SBF2: variants seen among roughly 807,000 people sequenced by gnomAD.
The protein encoded by SBF2 is myotubularin-related protein 13.
Under a neutral mutation model 225.2 loss-of-function variants are expected in SBF2, and 112 were observed. The observed-to-expected ratio is 0.50, with a 90% confidence interval of 0.43 to 0.58. The LOEUF (loss-of-function observed/expected upper bound fraction) is 0.58, where lower values mean the gene tolerates loss of function less well. Among genes scored for constraint, SBF2 ranks in the 20% least tolerant of loss-of-function variants. SBF2 has a pLI of 0.00. For missense variants in SBF2, 1,996 were observed against 2,206.2 expected, an observed-to-expected ratio of 0.90 and a Z score of 1.91; for synonymous variants, 763 against 773.3, an observed-to-expected ratio of 0.99 and a Z score of 0.22.
At chr11:9,968,586 TA>T in intron 13 of SBF2, 41 bp from the exon 14 acceptor site, 2 of 1,511,514 alleles carry the variant, frequency 1.3e-6, no homozygotes, top group Non-Finnish European at 1.8e-6. Context: ...CAAGTTAAAA[TA>T]ACAATGGCAG....
chr11:9,803,154 A>T (rs1046614953), intron 32 of SBF2, among the ~76,000 whole-genome samples: 3 of 152,230 alleles, frequency 2.0e-5, no homozygotes, highest in Admixed American at 6.5e-5. Flanking sequence ...ATTAAAAGTT[A>T]ACTTCTGTTT....
chr11:10,196,865 TA>T (rs1273383272), intron 1 of SBF2, among the ~76,000 whole-genome samples: 843 of 22,388 alleles, frequency 0.038, 20 homozygotes, highest in African/African-American at 0.063. Flanking sequence ...TATATATATA[TA>T]TTTTTTTTTT....
intron 2 of SBF2, among the ~76,000 whole-genome samples, chr11:10,158,837 G>T (rs1591091696): frequency 1.3e-5 from 2 of 152,134 alleles, no homozygotes; most frequent in East Asian, 3.8e-4. Flanking sequence ...GGGCAAGAAT[G>T]GTTCAATATA....
chr11:9,832,573 T>C (rs1855466706), intron 26 of SBF2, among the ~76,000 whole-genome samples, 153 bp from the exon 27 acceptor site: 1 of 152,212 alleles, frequency 6.6e-6, no homozygotes, highest in Admixed American at 6.5e-5. Context: ...ACATATTAGT[T>C]GAAGGGTAAG....
intron 2 of SBF2, among the ~76,000 whole-genome samples, chr11:10,071,829 C>A (rs1950893083): frequency 6.6e-6 from 1 of 152,126 alleles, no homozygotes. Context: ...ACCAGCCTTG[C>A]ATCTCAGGGA....
At chr11:9,947,684 C>T (rs1377662035) in intron 16 of SBF2, among the ~76,000 whole-genome samples, 3 of 151,922 alleles carry the variant, frequency 2.0e-5, no homozygotes, top group African/African-American at 7.3e-5. Flanking sequence ...CTGTCACTAA[C>T]CAAAAAGATG....
chr11:10,250,698 T>C (rs923256975), intron 1 of SBF2, among the ~76,000 whole-genome samples: 8 of 152,220 alleles, frequency 5.3e-5, no homozygotes, highest in African/African-American at 1.9e-4. Flanking sequence ...AAAGTTTTTA[T>C]GGTTCACTAA....
intron 1 of SBF2, among the ~76,000 whole-genome samples, chr11:10,300,674 C>T (rs1964588237): frequency 6.6e-6 from 1 of 152,046 alleles, no homozygotes; most frequent in Admixed American, 6.6e-5. Context: ...CTAATCATCT[C>T]TTTTATCATC....
At chr11:9,976,778 T>C (rs1946707121) in intron 13 of SBF2, among the ~76,000 whole-genome samples, 1 of 135,310 alleles carries the variant, frequency 7.4e-6, no homozygotes. Flanking sequence ...TTGTTTTTTG[T>C]TTTTTTTTGA....
chr11:10,080,735 G>T (rs1951332904), intron 2 of SBF2, among the ~76,000 whole-genome samples: 1 of 151,904 alleles, frequency 6.6e-6, no homozygotes, highest in African/African-American at 2.4e-5. Flanking sequence ...TACTCATAAA[G>T]ACATGTACAG....
intron 16 of SBF2, among the ~76,000 whole-genome samples, chr11:9,901,547 T>C (rs1478084108): frequency 1.3e-5 from 2 of 152,206 alleles, no homozygotes; most frequent in African/African-American, 4.8e-5. Flanking sequence ...AAACAGACTC[T>C]TTGTGGCAAT....
chr11:10,249,219 C>G (rs1054138929), intron 1 of SBF2, among the ~76,000 whole-genome samples: 1 of 150,676 alleles, frequency 6.6e-6, no homozygotes, highest in Admixed American at 6.7e-5. Flanking sequence ...TCTTAAAGCA[C>G]GAATCTGCTC....
intron 6 of SBF2, among the ~76,000 whole-genome samples, chr11:10,025,358 A>T (rs1358186993): frequency 2.0e-5 from 3 of 152,120 alleles, no homozygotes. Flanking sequence ...TTATGGTCTC[A>T]ACTCAAATTA....
intron 32 of SBF2, among the ~76,000 whole-genome samples, chr11:9,806,686 A>G (rs985191148): frequency 2.0e-5 from 3 of 152,236 alleles, no homozygotes; most frequent in East Asian, 1.9e-4. Flanking sequence ...AAATTCGTCA[A>G]TCGGTCTTGT....
At chr11:10,034,620 T>C (rs1353330821) in intron 3 of SBF2, among the ~76,000 whole-genome samples, 5 of 152,226 alleles carry the variant, frequency 3.3e-5, no homozygotes, top group African/African-American at 4.8e-5. Flanking sequence ...AACAATACTG[T>C]ATCACACTAA....
intron 1 of SBF2, among the ~76,000 whole-genome samples, chr11:10,209,133 T>C (rs1957844744): frequency 6.6e-6 from 1 of 152,120 alleles, no homozygotes; most frequent in African/African-American, 2.4e-5. Flanking sequence ...ATCAATGTAT[T>C]CCCTAACCCT....
intron 2 of SBF2, among the ~76,000 whole-genome samples, chr11:10,045,448 T>A (rs1357155731): frequency 6.6e-6 from 1 of 152,184 alleles, no homozygotes; most frequent in Non-Finnish European, 1.5e-5. Context: ...ATTACAGGCA[T>A]GAGCCACTGC....
intron 2 of SBF2, among the ~76,000 whole-genome samples, chr11:10,131,203 G>A (rs1591027178): frequency 6.6e-6 from 1 of 150,938 alleles, no homozygotes; most frequent in South Asian, 2.1e-4. Flanking sequence ...GCTGTTCCTT[G>A]CCCACATTTA....
intron 1 of SBF2, among the ~76,000 whole-genome samples, chr11:10,280,289 T>C (rs1320025190): frequency 2.6e-5 from 4 of 152,230 alleles, no homozygotes; most frequent in African/African-American, 7.2e-5. Flanking sequence ...GCTGGACTGA[T>C]ATATTTGTAT....
Sources: gnomAD v4.1 joint callset for allele counts (sites outside exome capture counted in the v4.1 genomes callset) on GRCh38, gnomAD v4.1.1 for gene constraint, MANE v1.5 for transcripts, NCBI Gene and HGNC (gene_info 2026-07-23, HGNC 2026-07-21) for gene names.